Variants in ZNF469 observed in about 807,000 individuals in gnomAD.
ZNF469 encodes the protein zinc finger protein 469.
A neutral mutation model predicts 1.0 loss-of-function variants in ZNF469; 1 was observed. That is an observed-to-expected ratio of 1.00 (90% CI 0.35 to 4.73). The LOEUF is 4.73. ZNF469 is among the 30% of genes most tolerant of loss of function. The pLI is 0.16. For missense variants in ZNF469, 6,100 were observed against 5,356.3 expected (o/e 1.14, Z -4.33); for synonymous variants, 2,703 against 2,363.4 (o/e 1.14, Z -4.17).
chr16:88,135,944 A>T, the ZNF469 span, among the ~76,000 whole-genome samples: 2 of 151,658 alleles, frequency 1.3e-5, no homozygotes, highest in African/African-American at 4.8e-5. Context: ...GTATTTTAGT[A>T]GAGACGGGGT....
Position 88,433,575 on chromosome 16 carries a change from G to A in ZNF469, c.6105G>A (p.Leu2035=). 2.6e-6 allele frequency: 4 copies of A among 1,550,360 alleles called. No homozygotes were observed. Among genetic ancestry groups the A allele is most frequent in the East Asian group, 2.4e-5 (1 of 40,918 alleles). ...CCGGCCCCACCGAGGGTGCAGTCCT[G>A]CTAGAGAAATGCAAGGGAAGCAGGG... ...ALTGPTEGAV[L]LEKCKGSRAA... Residue 2035 remains leucine, a synonymous_variant, in exon 3 of 3, where the codon CTG becomes CTA. Transcript: ENST00000565624.
intron 1 of ZNF469, among the ~76,000 whole-genome samples, chr16:88,384,335 C>G (rs2142260375): frequency 6.6e-6 from 1 of 152,362 alleles, no homozygotes; most frequent in Middle Eastern, 3.4e-3. Context: ...TTGAGGCCCT[C>G]TCAGTGCCCA....
At chr16:88,370,093 C>G in the ZNF469 span, among the ~76,000 whole-genome samples, 2 of 152,258 alleles carry the variant, frequency 1.3e-5, no homozygotes, top group African/African-American at 4.8e-5. Flanking sequence ...TCGACGCAGC[C>G]TTTCTGACCG....
rs1374491133 is a variant in ZNF469 at position 88,382,974 on chromosome 16, C to G, written c.-472C>G. Among the ~76,000 whole-genome samples the G allele has an allele frequency of 2.0e-5, 3 of 151,834 alleles. No homozygotes were observed. Among genetic ancestry groups the G allele is most frequent in the Non-Finnish European group, 4.4e-5 (3 of 67,906 alleles). ...TCCGGGGGGCAGACCCCGCGGCCGC[C>G]GGCCGGCGTCCGGCCTTCCCAGCAC... On this transcript the variant is annotated 5_prime_UTR_variant, in exon 1 of 3. Coordinates refer to ENST00000565624, the MANE Select transcript of ZNF469 (RefSeq NM_001367624.2).
chr16:88,395,881 G>A (rs1430820705), intron 1 of ZNF469, among the ~76,000 whole-genome samples: 1 of 152,204 alleles, frequency 6.6e-6, no homozygotes, highest in Admixed American at 6.5e-5. Flanking sequence ...GCTGTGTTTA[G>A]ACAGGCCCCA....
chr16:88,366,575 TCACC>T, the ZNF469 span, among the ~76,000 whole-genome samples: 5 of 43,842 alleles, frequency 1.1e-4, no homozygotes, highest in East Asian at 1.9e-3. Context: ...ACCTCCATCA[TCACC>T]TTCACCACCA....
At chr16:88,233,713 G>T in the ZNF469 span, among the ~76,000 whole-genome samples, 2 of 152,250 alleles carry the variant, frequency 1.3e-5, no homozygotes, top group Admixed American at 1.3e-4. Context: ...GCCGTGATGG[G>T]CTGGCCTGGC....
intron 1 of ZNF469, among the ~76,000 whole-genome samples, chr16:88,387,727 G>A (rs911004143): frequency 6.6e-6 from 1 of 152,206 alleles, no homozygotes; most frequent in Non-Finnish European, 1.5e-5. Flanking sequence ...AAGGCTCAGC[G>A]TGTGTGGGGA....
upstream of ZNF469, among the ~76,000 whole-genome samples, chr16:88,380,295 A>G (rs961260469): frequency 7.1e-6 from 1 of 141,428 alleles, no homozygotes; most frequent in Non-Finnish European, 1.5e-5. Context: ...ACACACACAC[A>G]CGCACTAAAA....
rs1906259702 is a variant in ZNF469, at chr16:88,432,368, C to G, written c.4898C>G (p.Ser1633Cys). ...SAADLTRVGESTAHREGAESA... is the reference protein window; with the variant it reads ...SAADLTRVGECTAHREGAESA... ...GCTGACCTCACGCGCGTTGGAGAATCCACTGCACATCGGGAGGGTGCGGAA... is the reference window on the plus strand; with the variant it reads ...GCTGACCTCACGCGCGTTGGAGAATGCACTGCACATCGGGAGGGTGCGGAA... The change falls in exon 3 of 3, where the codon TCC becomes TGC. Residue 1633 changes from serine to cysteine, a missense_variant. Coordinates refer to ENST00000565624, the MANE Select transcript of ZNF469 (RefSeq NM_001367624.2). 6.5e-7 allele frequency: 1 copy of G among 1,548,788 alleles called. No individual in the cohort carries two copies. Among genetic ancestry groups the G allele is most frequent in the South Asian group, 1.2e-5 (1 of 84,050 alleles).
Position 88,433,502 on chromosome 16 carries a change from G to C in ZNF469, c.6032G>C (p.Gly2011Ala), listed in dbSNP as rs79155191. 5 of 1,550,178 alleles carry C rather than the reference G, an allele frequency of 3.2e-6. No homozygotes were observed. Among genetic ancestry groups the C allele is most frequent in the Admixed American group, 2.0e-5 (1 of 50,976 alleles). The change falls in exon 3 of 3, where the codon GGC becomes GCC. Residue 2011 changes from glycine (G) to alanine (A), a missense_variant. Coordinates refer to ENST00000565624, the MANE Select transcript of ZNF469 (RefSeq NM_001367624.2). Reference sequence around the variant, plus strand: ...CCAGAGAACGGGGTGAGCCCAGGGGGCACGGACAACCACGCCTCAGTCAAT... The same window carrying C: ...CCAGAGAACGGGGTGAGCCCAGGGGCCACGGACAACCACGCCTCAGTCAAT... ...LQPENGVSPG[G>A]TDNHASVNAS...
chr16:88,428,864 A>G lies in ZNF469; in HGVS notation c.1394A>G (p.Asn465Ser). ...GCTGCCACCAGGAGTATGTTCTTTA[A>G]CGGCCAGCCCAGCCCAGGCCAGCGG... The part of the protein sequence containing the change: ...PLAATRSMFF[N>S]GQPSPGQRLC... The change falls in exon 3 of 3, where the codon AAC (asparagine) becomes AGC (serine). Residue 465 changes from asparagine to serine, a missense_variant. Coordinates refer to ENST00000565624, the MANE Select transcript of ZNF469 (RefSeq NM_001367624.2). 6.5e-7 allele frequency: 1 copy of G among 1,548,354 alleles called. No individual in the cohort carries two copies. The highest frequency in any genetic ancestry group is 8.7e-7 in the Non-Finnish European group (1 of 1,146,464).
At chr16:88,274,843 C>G in the ZNF469 span, among the ~76,000 whole-genome samples, 1 of 152,248 alleles carries the variant, frequency 6.6e-6, no homozygotes, top group Non-Finnish European at 1.5e-5. Context: ...TTCTCATGGA[C>G]CTGACATGGT....
chr16:88,359,745 T>G, the ZNF469 span, among the ~76,000 whole-genome samples: 1 of 152,220 alleles, frequency 6.6e-6, no homozygotes, highest in African/African-American at 2.4e-5. Context: ...CATTATTTCT[T>G]CTTTCTTCCC....
In ZNF469 at chr16:88,435,178, A is replaced by T; in HGVS notation, c.7708A>T (p.Ser2570Cys). The T allele has an allele frequency of 1.3e-6, 2 of 1,550,366 alleles. No homozygotes were observed. Among genetic ancestry groups the T allele is most frequent in the Non-Finnish European group, 8.7e-7 (1 of 1,146,970 alleles). ...TCTCAGAGCACCGGGGTCCCCACACAGCCAGCAGCTGCACCCTCCAAGCCC... is the reference window on the plus strand; with the variant it reads ...TCTCAGAGCACCGGGGTCCCCACACTGCCAGCAGCTGCACCCTCCAAGCCC... ...EVLRAPGSPH[S>C]QQLHPPSPTE... is the part of the protein sequence containing the mutation. Residue 2570 changes from serine to cysteine, a missense_variant, in exon 3 of 3, where the codon AGC (serine) becomes TGC (cysteine). Ser to Cys is a moderately radical substitution (Grantham distance 112). Transcript: ENST00000565624.
rs1597205846 is a variant in ZNF469, at chr16:88,428,012, A to G, written c.542A>G (p.His181Arg). The G allele has an allele frequency of 6.5e-7, 1 of 1,549,764 alleles. No homozygotes were observed. Residue 181 changes from histidine to arginine, a missense_variant, in exon 3 of 3, where the codon CAC (histidine) becomes CGC (arginine). His to Arg is a conservative substitution (Grantham distance 29). Transcript: ENST00000565624. ...CCCGCCGCCGAAGAGCTTGGCTTCC[A>G]CAGGTGCTTCCAGGAGCCACCCTCC... ...AQPAAEELGF[H>R]RCFQEPPSSF...
chr16:88,157,275 G>A, the ZNF469 span, among the ~76,000 whole-genome samples: 48 of 152,078 alleles, frequency 3.2e-4, no homozygotes, highest in South Asian at 1.2e-3. Context: ...CTGAACACTC[G>A]GTGCCTGATG....
At chr16:88,413,273 G>A (rs1262395943) in intron 1 of ZNF469, among the ~76,000 whole-genome samples, 6 of 152,210 alleles carry the variant, frequency 3.9e-5, no homozygotes, top group African/African-American at 1.4e-4. Flanking sequence ...TGAGGCTGGC[G>A]GCCTGGGCAG....
chr16:88,105,699 C>T, the ZNF469 span, among the ~76,000 whole-genome samples: 1 of 152,216 alleles, frequency 6.6e-6, no homozygotes, highest in Non-Finnish European at 1.5e-5. Context: ...GGATGAAGAG[C>T]TGAAAGCCTG....
Sources: gnomAD v4.1 joint callset for allele counts (sites outside exome capture counted in the v4.1 genomes callset) on GRCh38, gnomAD v4.1.1 for gene constraint, MANE v1.5 for transcripts, NCBI Gene and HGNC (gene_info 2026-07-23, HGNC 2026-07-21) for gene names.